The following CHCHD6 variants were observed in gnomAD, a reference collection of about 807,000 sequenced individuals.
CHCHD6 encodes MICOS complex subunit MIC25.
In CHCHD6, 28 loss-of-function variants were observed where a neutral mutation model predicts 32.3. The ratio of observed to expected loss-of-function variants is 0.87; its 90% confidence interval spans 0.64 to 1.19. CHCHD6 has a LOEUF of 1.19. Ranked by LOEUF, CHCHD6 falls within the 50% of genes most tolerant of loss-of-function variation. The pLI is 0.00. For missense variants in CHCHD6, 333 were observed against 307.0 expected, an observed-to-expected ratio of 1.08 and a Z score of -0.63; for synonymous variants, 122 against 117.5, an observed-to-expected ratio of 1.04 and a Z score of -0.25.
chr3:126,859,127 G>C (rs561506964), intron 5 of CHCHD6, among the ~76,000 whole-genome samples: 1 of 152,340 alleles, frequency 6.6e-6, no homozygotes, highest in South Asian at 2.1e-4. Context: ...CACAGTAAAT[G>C]TTTGCAGGAA....
At chr3:126,918,801 G>T (rs1212416058) in intron 6 of CHCHD6, among the ~76,000 whole-genome samples, 1 of 152,224 alleles carries the variant, frequency 6.6e-6, no homozygotes, top group African/African-American at 2.4e-5. Context: ...CCTAAGGGCA[G>T]TGAAATTACC....
chr3:126,717,249 A>C (rs1371469000), intron 1 of CHCHD6, among the ~76,000 whole-genome samples: 2 of 152,170 alleles, frequency 1.3e-5, no homozygotes, highest in African/African-American at 4.8e-5. Context: ...AAGGTTAATC[A>C]GTAGGTAGGT....
At chr3:126,837,461 A>G (rs1940906711) in intron 4 of CHCHD6, among the ~76,000 whole-genome samples, 1 of 152,114 alleles carries the variant, frequency 6.6e-6, no homozygotes, top group Non-Finnish European at 1.5e-5. Flanking sequence ...GGGAGGCTGA[A>G]GTGGGAGGAT....
At chr3:126,928,282 C>T (rs1227940691) in intron 6 of CHCHD6, among the ~76,000 whole-genome samples, 1 of 152,204 alleles carries the variant, frequency 6.6e-6, no homozygotes, top group Non-Finnish European at 1.5e-5. Context: ...TCTTACCAGA[C>T]CTTGAAGTTT....
intron 1 of CHCHD6, among the ~76,000 whole-genome samples, chr3:126,719,234 C>G (rs2107653538): frequency 6.6e-6 from 1 of 152,336 alleles, no homozygotes; most frequent in Non-Finnish European, 1.5e-5. Flanking sequence ...CTCGGACATG[C>G]CAGACTCAGT....
At chr3:126,818,129 G>A (rs1939988062) in intron 4 of CHCHD6, among the ~76,000 whole-genome samples, 1 of 152,048 alleles carries the variant, frequency 6.6e-6, no homozygotes, top group Non-Finnish European at 1.5e-5. Flanking sequence ...ACTTTTTTTA[G>A]GTAGCTCTTT....
At chr3:126,830,155 G>A (rs1318184213) in intron 4 of CHCHD6, among the ~76,000 whole-genome samples, 1 of 152,192 alleles carries the variant, frequency 6.6e-6, no homozygotes, top group African/African-American at 2.4e-5. Flanking sequence ...AGCCTCCAGT[G>A]TGTGGTGTTT....
intron 4 of CHCHD6, among the ~76,000 whole-genome samples, chr3:126,791,042 G>A (rs1019212678): frequency 6.6e-6 from 1 of 152,216 alleles, no homozygotes; most frequent in African/African-American, 2.4e-5. Flanking sequence ...CCTTCTAACA[G>A]TCAGGGTCCT....
chr3:126,723,607 T>C (rs1935408731), intron 1 of CHCHD6, among the ~76,000 whole-genome samples: 1 of 152,238 alleles, frequency 6.6e-6, no homozygotes, highest in Non-Finnish European at 1.5e-5. Context: ...TCCGTGACAG[T>C]GTATGTGTAT....
chr3:126,924,978 C>T (rs1239903976), intron 6 of CHCHD6, among the ~76,000 whole-genome samples: 5 of 152,292 alleles, frequency 3.3e-5, no homozygotes, highest in South Asian at 2.1e-4. Context: ...CAGGTTTTTG[C>T]GTCTGTCATT....
chr3:126,809,701 A>G (rs1325893956), intron 4 of CHCHD6, among the ~76,000 whole-genome samples: 1 of 152,140 alleles, frequency 6.6e-6, no homozygotes, highest in Non-Finnish European at 1.5e-5. Flanking sequence ...TATTCTCAAC[A>G]TTGTCTCATT....
At position 126,766,672 on chromosome 3, in the gene CHCHD6, ATGC is replaced by A. The variant is rs567512747; in HGVS notation, c.411+33455_411+33457del. The A allele has an allele frequency of 6.9e-4, 733 of 1,056,008 alleles. 6 individuals are homozygous for A. In the East Asian group the frequency reaches 0.013, roughly 19 times the overall value. The allele number at this position is 1,056,008 out of a possible 1,614,324, so 65.4% of individuals were successfully genotyped here. The stretch of plus-strand genomic sequence containing the variant: ...TGGTGCTCTCTCGGTGGCCACAATG[ATGC>A]TGCTCTTCCCACAAGCCAGGCTCTG... On this transcript the variant is annotated intron_variant, in intron 4 of 7. Coordinates refer to ENST00000290913, the MANE Select transcript of CHCHD6 (RefSeq NM_032343.3).
Position 126,733,217 on chromosome 3 carries a change from C to A in CHCHD6, c.406C>A (p.Arg136=), listed in dbSNP as rs755338404. Residue 136 remains arginine, a synonymous_variant, in exon 4 of 8, where the codon CGG becomes AGG. Coordinates refer to ENST00000290913, the MANE Select transcript of CHCHD6 (RefSeq NM_032343.3). ...SISHEEQKSV[R]LARELESREA... ...CAGCCATGAGGAGCAGAAGTCAGTC[C>A]GGCTGGTGAGTGCAGATTTTCCCTG... 5.0e-6 allele frequency: 8 copies of A among 1,613,320 alleles called. No individual in the cohort carries two copies. In the South Asian group the frequency reaches 8.8e-5, roughly 18 times the overall value.
chr3:126,844,595 G>A (rs540447991), intron 4 of CHCHD6, among the ~76,000 whole-genome samples: 12 of 151,826 alleles, frequency 7.9e-5, no homozygotes, highest in South Asian at 2.1e-4. Context: ...TTGTGTCTTC[G>A]TATTTAAAAG....
At chr3:126,771,784 C>T (rs577496999) in intron 4 of CHCHD6, among the ~76,000 whole-genome samples, 13 of 152,192 alleles carry the variant, frequency 8.5e-5, no homozygotes, top group East Asian at 3.9e-4. Flanking sequence ...TGCTATAAAC[C>T]GCCCTCTTAA....
At chr3:126,957,207 GCCA>G (rs2078797771) in intron 6 of CHCHD6, 1 of 614,292 alleles carries the variant, frequency 1.6e-6, no homozygotes, top group African/African-American at 1.8e-5. Flanking sequence ...GTGAGCCTAA[GCCA>G]CCCACCACAG....
intron 6 of CHCHD6, among the ~76,000 whole-genome samples, chr3:126,927,948 C>T (rs767264019): frequency 2.6e-5 from 4 of 152,228 alleles, no homozygotes; most frequent in African/African-American, 4.8e-5. Context: ...CCTTTCCATC[C>T]GCAAGGCAGA....
chr3:126,788,284 CT>C (rs1435662078), intron 4 of CHCHD6, among the ~76,000 whole-genome samples: 1 of 152,126 alleles, frequency 6.6e-6, no homozygotes, highest in African/African-American at 2.4e-5. Flanking sequence ...GTCTAAAATT[CT>C]CTTTTTTGGT....
chr3:126,725,458 A>G (rs1224675853), intron 1 of CHCHD6, among the ~76,000 whole-genome samples: 1 of 152,198 alleles, frequency 6.6e-6, no homozygotes, highest in African/African-American at 2.4e-5. Context: ...CCATTTCTAG[A>G]GCACTGGCAG....
Sources: gnomAD v4.1 joint callset for allele counts (sites outside exome capture counted in the v4.1 genomes callset) on GRCh38, gnomAD v4.1.1 for gene constraint, MANE v1.5 for transcripts, NCBI Gene and HGNC (gene_info 2026-07-23, HGNC 2026-07-21) for gene names.